The following ZNF462 variants were observed in gnomAD, a reference collection of about 807,000 sequenced individuals.
The protein encoded by ZNF462 is zinc finger protein 462.
ZNF462 carries 10 observed loss-of-function variants against 201.9 expected under a neutral mutation model. The observed-to-expected ratio is 0.05, with a 90% CI of 0.03 to 0.08. ZNF462 has a LOEUF of 0.08. ZNF462 is among the 10% of genes least tolerant of loss of function. The pLI is 1.00. For synonymous variants in ZNF462, 1,227 were observed against 1,193.3 expected (o/e 1.03, Z -0.58); for missense variants, 2,523 against 3,168.3 (o/e 0.80, Z 4.89).
At chr9:106,943,059 C>CGCGCGTGTGTGT (rs374167214) in intron 7 of ZNF462, among the ~76,000 whole-genome samples, 4 of 143,154 alleles carry the variant, frequency 2.8e-5, no homozygotes, top group African/African-American at 1.1e-4. Context: ...TTTGCGCGCG[C>CGCGCGTGTGTGT]GTGTGTGTGT....
chr9:106,934,296 GAAAA>G, intron 5 of ZNF462, among the ~76,000 whole-genome samples: 1 of 113,966 alleles, frequency 8.8e-6, no homozygotes, highest in Admixed American at 9.5e-5. Context: ...CTCTTGAGAT[GAAAA>G]AAAAAAAAAA....
At chr9:106,918,984 C>T (rs1331473436) in intron 1 of ZNF462, among the ~76,000 whole-genome samples, 1 of 152,162 alleles carries the variant, frequency 6.6e-6, no homozygotes, top group Non-Finnish European at 1.5e-5. Context: ...AGGAAAAGCA[C>T]CTTATGGTGT....
At position 106,918,373 on chromosome 9, in the gene ZNF462, G is replaced by A. The variant is rs187409478; in HGVS notation, c.-30-4981G>A. On this transcript the variant is annotated intron_variant, in intron 1 of 12. Coordinates refer to ENST00000277225, the MANE Select transcript of ZNF462 (RefSeq NM_021224.6). ...TATATCTATAATTATGTGTGTTTGT[G>A]TATAGATATATATATTTAGACATTC... Among the ~76,000 whole-genome samples the A allele has an allele frequency of 2.0e-5, 3 of 152,272 alleles. No homozygotes were observed. The East Asian group carries it at 5.8e-4, about 29-fold the overall frequency.
intron 1 of ZNF462, among the ~76,000 whole-genome samples, chr9:106,921,680 G>T (rs1179683810): frequency 6.6e-6 from 1 of 152,190 alleles, no homozygotes; most frequent in Non-Finnish European, 1.5e-5. Flanking sequence ...TTTTTTCTGT[G>T]AAGTGTTCTA....
At chr9:106,908,910 CATATATAT>C (rs1192231869) in intron 1 of ZNF462, among the ~76,000 whole-genome samples, 5,945 of 43,866 alleles carry the variant, frequency 0.14, 410 homozygotes, top group African/African-American at 0.21. Context: ...CCCATATATA[CATATATAT>C]ATATATATAT....
In ZNF462 at chr9:106,913,328, G is replaced by A. The variant is rs1829629391; in HGVS notation, c.-30-10026G>A. 1.3e-5 allele frequency among the ~76,000 whole-genome samples: 2 copies of A among 152,184 alleles called. No homozygotes were observed. The highest frequency in any genetic ancestry group is 3.9e-4 in the East Asian group (2 of 5,170). On this transcript the variant is annotated intron_variant, in intron 1 of 12. Transcript: ENST00000277225. This position sits in a 1 kb window ranked among gnomAD's most constrained non-coding sequence, Gnocchi z 4.1. ...TCTGGAATTCCTTAGGTTCTTGAAC[G>A]TTTAGTTCGATTTTGTACCACTGGT...
intron 1 of ZNF462, among the ~76,000 whole-genome samples, chr9:106,867,849 T>C (rs1827409939): frequency 1.3e-5 from 2 of 152,206 alleles, no homozygotes; most frequent in African/African-American, 2.4e-5. Flanking sequence ...TTTTCAGACT[T>C]ACACTTCACT....
At chr9:106,992,202 A>G (rs985629308) in intron 10 of ZNF462, among the ~76,000 whole-genome samples, 1 of 152,146 alleles carries the variant, frequency 6.6e-6, no homozygotes, top group Non-Finnish European at 1.5e-5. Context: ...CACCTTACCA[A>G]AGAAGATATA....
chr9:106,908,563 A>T (rs1829370823), intron 1 of ZNF462, among the ~76,000 whole-genome samples: 1 of 152,100 alleles, frequency 6.6e-6, no homozygotes, highest in South Asian at 2.1e-4. Flanking sequence ...TTACAGACAG[A>T]ATCCAGTTAG....
In ZNF462 at chr9:107,005,589, T is replaced by C. The variant is rs752132370; in HGVS notation, c.7189+2163T>C. 1.7e-4 allele frequency among the ~76,000 whole-genome samples: 26 copies of C among 152,216 alleles called. No homozygotes were observed. The highest frequency in any genetic ancestry group is 3.3e-4 in the Admixed American group (5 of 15,270). On this transcript the variant is annotated intron_variant, in intron 11 of 12. Transcript: ENST00000277225. The surrounding 1 kb of genome is among the most constrained non-coding windows in gnomAD (Gnocchi z 4.4). The stretch of plus-strand genomic sequence containing the variant: ...TAATACAGCATGGGTATTAATTCCT[T>C]ATCAGATGTATGGTTTGCAAATATT...
chr9:106,983,922 TACTA>T (rs1827634207), intron 9 of ZNF462, among the ~76,000 whole-genome samples: 1 of 152,196 alleles, frequency 6.6e-6, no homozygotes, highest in African/African-American at 2.4e-5. Context: ...AGCAAGCACC[TACTA>T]GCCCACCCCA....
chr9:106,892,083 T>A (rs1828603242), intron 1 of ZNF462, among the ~76,000 whole-genome samples: 1 of 152,196 alleles, frequency 6.6e-6, no homozygotes, highest in Non-Finnish European at 1.5e-5. Context: ...CATTTGAGGC[T>A]GTTGATTAAG....
At position 106,950,595 on chromosome 9, in the gene ZNF462, A is replaced by C. The variant is rs1487401408; in HGVS notation, c.6427+11488A>C. Among the ~76,000 whole-genome samples, 10 of 152,216 alleles carry C rather than the reference A, an allele frequency of 6.6e-5. No homozygotes were observed. Among genetic ancestry groups the C allele is most frequent in the Admixed American group, 6.5e-4 (10 of 15,284 alleles). On this transcript the variant is annotated intron_variant, in intron 7 of 12. Transcript: ENST00000277225. The surrounding 1 kb of genome is among the most constrained non-coding windows in gnomAD (Gnocchi z 4.1). ...TCAATATGTCTATTAGAAGAAACAT[A>C]ATAATTGTCATAACTAAACCACAGG...
At chr9:106,967,889 T>G (rs1211263620) in intron 7 of ZNF462, among the ~76,000 whole-genome samples, 1 of 152,044 alleles carries the variant, frequency 6.6e-6, no homozygotes, top group Non-Finnish European at 1.5e-5. Flanking sequence ...TCTTGCTTTA[T>G]TTTTTTTCAT....
Position 107,005,454 on chromosome 9 carries a change from A to G in ZNF462, c.7189+2028A>G, listed in dbSNP as rs1829478896. ...TTGTGGTTTAATTTGCATTTCCCTG[A>G]TGATTAGTGATGTTGAACATTTTTT... On this transcript the variant is annotated intron_variant, in intron 11 of 12. Transcript: ENST00000277225. The surrounding 1 kb of genome is among the most constrained non-coding windows in gnomAD (Gnocchi z 4.4). Among the ~76,000 whole-genome samples, 1 of 152,172 alleles carries G rather than the reference A, an allele frequency of 6.6e-6. No individual in the cohort carries two copies. The highest frequency in any genetic ancestry group is 2.1e-4 in the South Asian group (1 of 4,828).
In ZNF462 at chr9:106,865,951, G is replaced by A. The variant is rs1827312054; in HGVS notation, c.-31+2596G>A. 2.0e-5 allele frequency among the ~76,000 whole-genome samples: 3 copies of A among 152,312 alleles called. No individual in the cohort carries two copies. Among genetic ancestry groups the A allele is most frequent in the Admixed American group, 2.0e-4 (3 of 15,308 alleles). ...CGAAATGCTTCAGGAATTTTTAAAA[G>A]CCAACCATGAAGATGTTGCTTTTCC... On this transcript the variant is annotated intron_variant, in intron 1 of 12. Coordinates refer to ENST00000277225, the MANE Select transcript of ZNF462 (RefSeq NM_021224.6). This position sits in a 1 kb window ranked among gnomAD's most constrained non-coding sequence, Gnocchi z 4.1.
chr9:106,925,047 A>G lies in ZNF462; in HGVS notation c.1135A>G (p.Thr379Ala), dbSNP rs752239697. ...GACCAATTCTTCTGCTGACCTGGAA[A>G]CTAACAGCATGCTAAATGACTCTAG... Reference protein sequence around the residue: ...DMTNSSADLETNSMLNDSSSD... With the variant: ...DMTNSSADLEANSMLNDSSSD... The change falls in exon 3 of 13, where the codon ACT (threonine) becomes GCT (alanine). Residue 379 changes from threonine to alanine, a missense_variant. By Grantham distance (58) the Thr-to-Ala change is moderately conservative. This residue lies in a region of ZNF462 where 480 missense variants were observed against 544.4 expected (regional missense o/e 0.88). Transcript: ENST00000277225. This position sits in a 1 kb window ranked among gnomAD's most constrained non-coding sequence, Gnocchi z 7.9. 6.2e-7 allele frequency: 1 copy of G among 1,614,202 alleles called. No homozygotes were observed. Among genetic ancestry groups the G allele is most frequent in the Non-Finnish European group, 8.5e-7 (1 of 1,180,038 alleles).
intron 7 of ZNF462, among the ~76,000 whole-genome samples, chr9:106,965,130 G>A (rs1342754824): frequency 1.3e-5 from 2 of 152,072 alleles, no homozygotes; most frequent in Admixed American, 6.6e-5. Context: ...TCTTCACAGA[G>A]GGTGTGACAT....
At position 106,886,248 on chromosome 9, in the gene ZNF462, C is replaced by T. The variant is rs151296452; in HGVS notation, c.-31+22893C>T. Among the ~76,000 whole-genome samples the T allele has an allele frequency of 2.6e-5, 4 of 152,090 alleles. No homozygotes were observed. The highest frequency in any genetic ancestry group is 2.1e-4 in the South Asian group (1 of 4,818). Reference sequence around the variant, plus strand: ...GGCTGGGATTGTTACCTCACTGGACCGCTCTTTAAACTTTCTCTGTCTTTT... The same window carrying T: ...GGCTGGGATTGTTACCTCACTGGACTGCTCTTTAAACTTTCTCTGTCTTTT... On this transcript the variant is annotated intron_variant, in intron 1 of 12. Coordinates refer to ENST00000277225, the MANE Select transcript of ZNF462 (RefSeq NM_021224.6). The surrounding 1 kb of genome is among the most constrained non-coding windows in gnomAD (Gnocchi z 4.6).
Sources: allele counts gnomAD v4.1 joint callset (sites outside exome capture counted in the v4.1 genomes callset), GRCh38; gene constraint gnomAD v4.1.1; regional missense constraint gnomAD v4.1.1; non-coding constraint Gnocchi (gnomAD v3.1); transcripts MANE v1.5; gene names NCBI Gene and HGNC (gene_info 2026-07-23, HGNC 2026-07-21).